DPH6: variants seen among roughly 807,000 people sequenced by gnomAD.
DPH6 encodes the protein diphthamine biosynthesis 6.
A neutral mutation model predicts 38.2 loss-of-function variants in DPH6; 33 were observed. The ratio of observed to expected loss-of-function variants is 0.86; its 90% CI spans 0.65 to 1.15. The LOEUF is 1.15. Among genes scored for constraint, DPH6 ranks in the 50% most tolerant of loss-of-function variants. The probability of loss-of-function intolerance (pLI) is 0.00; values close to 1 mark genes in which losing one functional copy is unlikely to be tolerated. For missense variants in DPH6, 325 were observed against 320.0 expected (o/e 1.02, Z -0.12); for synonymous variants, 108 against 103.0 (o/e 1.05, Z -0.30).
At chr15:35,286,089 A>G (rs928791540) in intron 3 of DPH6, among the ~76,000 whole-genome samples, 1 of 151,976 alleles carries the variant, frequency 6.6e-6, no homozygotes, top group South Asian at 2.1e-4. Flanking sequence ...TGCTTCATGA[A>G]TTCACCTGTC....
intron 3 of DPH6, among the ~76,000 whole-genome samples, chr15:35,352,388 A>T (rs1368582428): frequency 2.0e-5 from 3 of 151,932 alleles, no homozygotes; most frequent in Non-Finnish European, 4.4e-5. Context: ...CATTAACTCG[A>T]CCTTTAACAT....
At chr15:35,518,341 T>G (rs1263450520) in intron 3 of DPH6, among the ~76,000 whole-genome samples, 2 of 152,038 alleles carry the variant, frequency 1.3e-5, no homozygotes, top group African/African-American at 4.8e-5. Flanking sequence ...ACCAGTCTTC[T>G]TCGTAGCTGG....
intron 3 of DPH6, among the ~76,000 whole-genome samples, chr15:35,223,585 C>T (rs553665951): frequency 6.6e-6 from 1 of 152,034 alleles, no homozygotes; most frequent in Non-Finnish European, 1.5e-5. Flanking sequence ...ACTCGGGAGG[C>T]TGAGGCAGGA....
intron 5 of DPH6, among the ~76,000 whole-genome samples, chr15:35,416,500 T>C (rs1329140919): frequency 1.3e-5 from 2 of 152,066 alleles, no homozygotes; most frequent in Admixed American, 6.6e-5. Context: ...GTTTTAGTAA[T>C]GAAACTACTT....
chr15:35,380,120 G>A (rs1211359038), intron 7 of DPH6, among the ~76,000 whole-genome samples: 1 of 152,184 alleles, frequency 6.6e-6, no homozygotes, highest in Non-Finnish European at 1.5e-5. Context: ...TACCTGCGTG[G>A]TAGCACCTAT....
At chr15:35,454,564 G>C (rs1320234287) in intron 4 of DPH6, among the ~76,000 whole-genome samples, 183 bp downstream of exon 4, 1 of 151,972 alleles carries the variant, frequency 6.6e-6, no homozygotes, top group Non-Finnish European at 1.5e-5. Flanking sequence ...CCTCATGTGA[G>C]ATATAAGGAT....
intron 3 of DPH6, among the ~76,000 whole-genome samples, chr15:35,242,120 C>G (rs1193904077): frequency 6.9e-6 from 1 of 144,692 alleles, no homozygotes. Flanking sequence ...CAGCAAATTA[C>G]CTGGGCTGTA....
intron 3 of DPH6, among the ~76,000 whole-genome samples, chr15:35,313,240 ATT>A (rs370160874): frequency 4.9e-5 from 7 of 142,346 alleles, no homozygotes; most frequent in Non-Finnish European, 1.6e-5. Context: ...TTAAAAAAAA[ATT>A]TTTTTTTTTT....
At chr15:35,317,068 G>T (rs1464068282) in intron 3 of DPH6, among the ~76,000 whole-genome samples, 1 of 152,044 alleles carries the variant, frequency 6.6e-6, no homozygotes, top group Non-Finnish European at 1.5e-5. Flanking sequence ...GACAAGCCTG[G>T]GCAACATGGT....
chr15:35,369,278 A>G (rs1321931579), downstream of DPH6, among the ~76,000 whole-genome samples: 1 of 151,872 alleles, frequency 6.6e-6, no homozygotes, highest in African/African-American at 2.4e-5. Context: ...GATGGAATTT[A>G]GAAAACAGAT....
intron 3 of DPH6, among the ~76,000 whole-genome samples, chr15:35,456,080 T>C (rs1316104703): frequency 1.3e-5 from 2 of 152,188 alleles, no homozygotes; most frequent in Non-Finnish European, 2.9e-5. Context: ...CGATTATTTT[T>C]ATCAGATAAG....
intron 4 of DPH6, among the ~76,000 whole-genome samples, chr15:35,452,605 T>G (rs1290045355): frequency 6.6e-6 from 1 of 152,178 alleles, no homozygotes; most frequent in Non-Finnish European, 1.5e-5. Flanking sequence ...ACATATACCC[T>G]GACTTTCAAA....
intron 6 of DPH6, among the ~76,000 whole-genome samples, chr15:35,397,868 T>TATACACACACGC (rs752473433): frequency 7.9e-4 from 69 of 87,296 alleles, no homozygotes; most frequent in East Asian, 1.7e-3. Flanking sequence ...TTTATATATA[T>TATACACACACGC]ACACACACAC....
In DPH6 at chr15:35,543,458, C is replaced by T. The variant is rs370777857; in HGVS notation, c.24-951G>A. Among the ~76,000 whole-genome samples the T allele has an allele frequency of 7.2e-5, 11 of 151,874 alleles. No individual in the cohort carries two copies. The East Asian group carries it at 1.4e-3, about 19-fold the overall frequency. On this transcript the variant is annotated intron_variant, in intron 1 of 8. Coordinates refer to ENST00000256538, the MANE Select transcript of DPH6 (RefSeq NM_080650.4). The stretch of plus-strand genomic sequence containing the variant: ...ATATGGCTGAATGGCAATCTATATG[C>T]TATTGTAATTTAATATTCTCCTAAT...
At chr15:35,367,299 T>G (rs2140914414), downstream of DPH6, among the ~76,000 whole-genome samples, 1 of 152,054 alleles carries the variant, frequency 6.6e-6, no homozygotes, top group East Asian at 1.9e-4. Context: ...TTTGTCTTTC[T>G]ATAAATACAA....
intron 6 of DPH6, chr15:35,401,140 A>G (rs1258694624): frequency 1.0e-6 from 1 of 987,768 alleles, no homozygotes; most frequent in South Asian, 1.3e-5. Context: ...TAAGACTGTC[A>G]TTCAGAAACA....
At chr15:35,491,548 TACACACACACACAC>T (rs71309445) in intron 3 of DPH6, among the ~76,000 whole-genome samples, 17 of 137,746 alleles carry the variant, frequency 1.2e-4, no homozygotes, top group East Asian at 6.6e-4. Context: ...CCAATAGGTG[TACACACACACACAC>T]ACACACACAC....
At chr15:35,302,023 T>C (rs1193690533) in intron 3 of DPH6, among the ~76,000 whole-genome samples, 1 of 152,074 alleles carries the variant, frequency 6.6e-6, no homozygotes, top group Non-Finnish European at 1.5e-5. Context: ...AATTCCAACA[T>C]TTATTGTAGT....
chr15:35,285,095 C>T (rs933890977), intron 3 of DPH6, among the ~76,000 whole-genome samples: 2 of 152,070 alleles, frequency 1.3e-5, no homozygotes, highest in Admixed American at 1.3e-4. Context: ...CAGGTGTGAG[C>T]CACCATGCCT....
Sources: allele counts gnomAD v4.1 joint callset (sites outside exome capture counted in the v4.1 genomes callset), GRCh38; gene constraint gnomAD v4.1.1; transcripts MANE v1.5; gene names NCBI Gene and HGNC (gene_info 2026-07-23, HGNC 2026-07-21).